Variants in PBK observed in about 807,000 individuals in gnomAD.
The protein encoded by PBK is PDZ binding kinase, also known as lymphokine-activated killer T-cell-originated protein kinase.
A neutral mutation model predicts 33.5 loss-of-function variants in PBK; 22 were observed. The observed-to-expected ratio is 0.66, with a 90% CI of 0.47 to 0.94. The LOEUF is 0.94. Ranked by LOEUF, PBK falls within the 40% of genes least tolerant of loss-of-function variation. The probability of loss-of-function intolerance (pLI) is 0.00; values close to 1 mark genes in which losing one functional copy is unlikely to be tolerated. For missense variants in PBK, 376 were observed against 383.4 expected, an observed-to-expected ratio of 0.98 and a Z score of 0.16; for synonymous variants, 129 against 123.8, an observed-to-expected ratio of 1.04 and a Z score of -0.28.
chr8:27,822,992 A>G, intron 4 of PBK, 71 bp downstream of exon 4: 1 of 944,762 alleles, frequency 1.1e-6, no homozygotes, highest in East Asian at 2.5e-5. Context: ...GAAACCAGTT[A>G]AGAGAGCATA....
chr8:27,823,501 T>C (rs1805970055), intron 3 of PBK, among the ~76,000 whole-genome samples: 1 of 152,028 alleles, frequency 6.6e-6, no homozygotes, highest in African/African-American at 2.4e-5. Flanking sequence ...CTTTCCAATT[T>C]TTCCATTTGA....
In PBK at chr8:27,826,412, C is replaced by T. The variant is rs546719425; in HGVS notation, c.152+1693G>A. On this transcript the variant is annotated intron_variant, in intron 3 of 7. Transcript: ENST00000301905. ...ATAAGACACAAGATACCTAAAAACA[C>T]AGGATATAATTCAGCAGAGAAGCAT... Among the ~76,000 whole-genome samples, 12 of 152,192 alleles carry T rather than the reference C, an allele frequency of 7.9e-5. No homozygotes were observed. The South Asian group carries it at 2.5e-3, about 32-fold the overall frequency.
At position 27,837,816 on chromosome 8, in the gene PBK, T is replaced by A. The variant is rs1289913321; in HGVS notation, c.-185A>T. The stretch of plus-strand genomic sequence containing the variant: ...GTTGCAATTCGAACCCTCCTGGCTT[T>A]CAAAAAGTCGCGCGCTGCGCCAGCT... On this transcript the variant is annotated 5_prime_UTR_variant, in exon 1 of 8. Coordinates refer to ENST00000301905, the MANE Select transcript of PBK (RefSeq NM_018492.4). The A allele has an allele frequency of 6.6e-6, 1 of 152,162 alleles. No homozygotes were observed. Among genetic ancestry groups the A allele is most frequent in the Non-Finnish European group, 1.5e-5 (1 of 68,028 alleles). 9.4% of individuals were successfully genotyped at this position (152,162 alleles called of 1,614,324 possible).
At chr8:27,836,599 A>G (rs1438748626) in intron 1 of PBK, among the ~76,000 whole-genome samples, 1 of 152,030 alleles carries the variant, frequency 6.6e-6, no homozygotes, top group Non-Finnish European at 1.5e-5. Context: ...AAAACAAAGC[A>G]ACCAAGGAGG....
intron 2 of PBK, among the ~76,000 whole-genome samples, chr8:27,829,272 T>A (rs1806084095): frequency 6.6e-6 from 1 of 152,128 alleles, no homozygotes; most frequent in African/African-American, 2.4e-5. Context: ...TAGGAACACT[T>A]CATATCACCA....
At position 27,811,078 on chromosome 8, in the gene PBK, C is replaced by G; in HGVS notation, c.652G>C (p.Val218Leu). 6.8e-6 allele frequency: 11 copies of G among 1,613,412 alleles called. No homozygotes were observed. Among genetic ancestry groups the G allele is most frequent in the Non-Finnish European group, 9.3e-6 (11 of 1,179,314 alleles). ...GTEPWKPKEA[V>L]EENGVITDKA... ...TCAGTAATAACACCATTCTCCTCCA[C>G]AGCTTCTTTGGGTTTCCATGGCTCT... Residue 218 changes from valine to leucine, a missense_variant, in exon 7 of 8, where the codon GTG becomes CTG. Val to Leu is a conservative substitution (Grantham distance 32). Coordinates refer to ENST00000301905, the MANE Select transcript of PBK (RefSeq NM_018492.4).
At chr8:27,812,402 G>C (rs1332592422) in intron 6 of PBK, 2 of 152,040 alleles carry the variant, frequency 1.3e-5, no homozygotes, top group African/African-American at 4.8e-5. Flanking sequence ...TACCATTCAG[G>C]ACATAGGCAT....
intron 6 of PBK, among the ~76,000 whole-genome samples, chr8:27,818,573 A>AT (rs989217669): frequency 1.3e-5 from 2 of 151,996 alleles, no homozygotes; most frequent in African/African-American, 4.8e-5. Flanking sequence ...CCTAATTGCC[A>AT]TTTTTTTCAT....
At chr8:27,821,075 G>C (rs759127202) in intron 5 of PBK, among the ~76,000 whole-genome samples, 75 of 152,114 alleles carry the variant, frequency 4.9e-4, no homozygotes, top group South Asian at 1.5e-3. Flanking sequence ...TGATCCGCCT[G>C]CCTCAGTCTC....
chr8:27,813,156 A>C (rs1805729791), intron 6 of PBK, among the ~76,000 whole-genome samples: 1 of 152,234 alleles, frequency 6.6e-6, no homozygotes, highest in Non-Finnish European at 1.5e-5. Flanking sequence ...GGATGAGTTC[A>C]TATCCTTTGC....
rs1563489324 is a variant in PBK, at chr8:27,816,359, T to TATATATATATATATATATA, written c.595+4205_595+4206insTATATATATATATATATAT. Among the ~76,000 whole-genome samples the TATATATATATATATATATA allele has an allele frequency of 4.6e-3, 574 of 125,756 alleles. 2 individuals carry two copies. Among genetic ancestry groups the TATATATATATATATATATA allele is most frequent in the East Asian group, 0.011 (41 of 3,768 alleles). The allele number at this position is 125,756 out of a possible 152,430, so 82.5% of individuals were successfully genotyped here. On this transcript the variant is annotated intron_variant, in intron 6 of 7. Transcript: ENST00000301905. The stretch of plus-strand genomic sequence containing the variant: ...CATCGAATACTATATATATATATAT[T>TATATATATATATATATATA]TATTTATTTATTTATTTATTTTAAT...
At position 27,811,063 on chromosome 8, in the gene PBK, C is replaced by T. The variant is rs765114169; in HGVS notation, c.667G>A (p.Val223Ile). The part of the protein sequence containing the change: ...KPKEAVEENG[V>I]ITDKADIFAF... The stretch of plus-strand genomic sequence containing the variant: ...AATATGTCTGCCTTGTCAGTAATAA[C>T]ACCATTCTCCTCCACAGCTTCTTTG... The change falls in exon 7 of 8, where the codon GTT (valine) becomes ATT (isoleucine). Residue 223 changes from valine to isoleucine, a missense_variant. Val to Ile is a conservative substitution (Grantham distance 29). Transcript: ENST00000301905. The T allele has an allele frequency of 1.2e-6, 2 of 1,612,712 alleles. No individual in the cohort carries two copies. Among genetic ancestry groups the T allele is most frequent in the South Asian group, 1.1e-5 (1 of 91,074 alleles).
At chr8:27,816,558 A>G (rs1329003516) in intron 6 of PBK, among the ~76,000 whole-genome samples, 2 of 151,424 alleles carry the variant, frequency 1.3e-5, no homozygotes, top group Non-Finnish European at 1.5e-5. Context: ...TTGTATTTTT[A>G]GTAGAGACGG....
Position 27,811,115 on chromosome 8 carries a change from A to G in PBK, c.615T>C (p.Cys205=), listed in dbSNP as rs1805672687. Residue 205 remains cysteine (C), a synonymous_variant, in exon 7 of 8, where the codon TGT becomes TGC. Coordinates refer to ENST00000301905, the MANE Select transcript of PBK (RefSeq NM_018492.4). ...GTTTCCATGGCTCTGTGCCAATGTA[A>G]CAAGCCTCAGGGTCAGTCACTGAAA... The part of the protein sequence containing the change: ...ENMTVTDPEA[C]YIGTEPWKPK... The G allele has an allele frequency of 6.2e-7, 1 of 1,613,806 alleles. No homozygotes were observed. The highest frequency in any genetic ancestry group is 1.7e-5 in the Admixed American group (1 of 59,980).
At chr8:27,817,305 TATC>T (rs950300967) in intron 6 of PBK, among the ~76,000 whole-genome samples, 2 of 152,296 alleles carry the variant, frequency 1.3e-5, no homozygotes, top group South Asian at 2.1e-4. Context: ...AGGAACATTT[TATC>T]ATCATAGAAA....
chr8:27,816,497 C>T (rs1480648244), intron 6 of PBK, among the ~76,000 whole-genome samples: 1 of 151,616 alleles, frequency 6.6e-6, no homozygotes, highest in East Asian at 1.9e-4. Context: ...CTGCCTCAGC[C>T]TCCTGAGTAG....
At chr8:27,830,710 TCCAAATTTAAATAA>T (rs1418352808) in intron 2 of PBK, among the ~76,000 whole-genome samples, 5 of 152,104 alleles carry the variant, frequency 3.3e-5, no homozygotes, top group South Asian at 4.2e-4. Context: ...CATTTAATAA[TCCAAATTTAAATAA>T]CCAAATTTAA....
chr8:27,825,079 T>C (rs922148241), intron 3 of PBK, among the ~76,000 whole-genome samples: 7 of 152,110 alleles, frequency 4.6e-5, no homozygotes, highest in Non-Finnish European at 2.9e-5. Flanking sequence ...AGCAACAAAA[T>C]TTCAGAAGCT....
At chr8:27,822,584 A>C in intron 4 of PBK, 96 bp from the exon 5 acceptor site, 1 of 729,346 alleles carries the variant, frequency 1.4e-6, no homozygotes, top group Non-Finnish European at 2.2e-6. Flanking sequence ...GATCTGGACT[A>C]ACGCTGACAA....
Sources: gnomAD v4.1 joint callset for allele counts (sites outside exome capture counted in the v4.1 genomes callset) on GRCh38, gnomAD v4.1.1 for gene constraint, MANE v1.5 for transcripts, NCBI Gene and HGNC (gene_info 2026-07-23, HGNC 2026-07-21) for gene names.